IL15: variants seen among roughly 807,000 people sequenced by gnomAD.
IL15 encodes interleukin 15.
IL15 carries 11 observed loss-of-function variants against 19.6 expected under a neutral mutation model. The ratio of observed to expected loss-of-function variants is 0.56; its 90% CI spans 0.35 to 0.93. IL15 has a LOEUF of 0.93. Ranked by LOEUF, IL15 falls within the 40% of genes least tolerant of loss-of-function variation. The pLI is 0.01. For missense variants in IL15, 197 were observed against 186.5 expected (o/e 1.06, Z -0.33); for synonymous variants, 58 against 59.6 (o/e 0.97, Z 0.12).
At chr4:141,697,039 GT>G (rs1355567518) in intron 2 of IL15, among the ~76,000 whole-genome samples, 1 of 151,848 alleles carries the variant, frequency 6.6e-6, no homozygotes, top group African/African-American at 2.4e-5. Context: ...ATTTATTTTT[GT>G]TTTTGTCGCA....
intron 2 of IL15, among the ~76,000 whole-genome samples, chr4:141,705,109 C>T (rs1025763648): frequency 7.9e-5 from 12 of 151,588 alleles, no homozygotes; most frequent in Non-Finnish European, 1.6e-4. Flanking sequence ...TCTGTCCTTC[C>T]TTCTACCAAT....
intron 2 of IL15, among the ~76,000 whole-genome samples, chr4:141,674,930 G>C (rs1236069044): frequency 7.9e-6 from 1 of 126,452 alleles, no homozygotes; most frequent in Non-Finnish European, 1.8e-5. Flanking sequence ...GCTGGACTGG[G>C]TGTTCTACTT....
chr4:141,695,673 G>C lies in IL15; in HGVS notation c.-99-23693G>C, dbSNP rs774067489. On this transcript the variant is annotated intron_variant, in intron 2 of 7. Coordinates refer to ENST00000320650, the MANE Select transcript of IL15 (RefSeq NM_000585.5). ...CTCTATACTGTTTTCTCTAATGGCT[G>C]TGCTAGTTAACAATCTAACCAACAG... Among the ~76,000 whole-genome samples, 70 of 151,986 alleles carry C rather than the reference G, an allele frequency of 4.6e-4. 1 individual carries two copies. Among genetic ancestry groups the C allele is most frequent in the Non-Finnish European group, 7.4e-5 (5 of 67,956 alleles).
intron 2 of IL15, among the ~76,000 whole-genome samples, chr4:141,667,763 C>T (rs921445775): frequency 4.6e-5 from 7 of 151,902 alleles, no homozygotes; most frequent in African/African-American, 9.7e-5. Flanking sequence ...TGAGGTAATG[C>T]GGGGTGTATT....
At chr4:141,646,849 A>G (rs1032951972) in intron 1 of IL15, among the ~76,000 whole-genome samples, 3 of 152,104 alleles carry the variant, frequency 2.0e-5, no homozygotes, top group African/African-American at 4.8e-5. Context: ...AATATGAACC[A>G]CAGGAGAACA....
At chr4:141,679,434 G>C (rs556414769) in intron 2 of IL15, among the ~76,000 whole-genome samples, 1 of 152,160 alleles carries the variant, frequency 6.6e-6, no homozygotes, top group Non-Finnish European at 1.5e-5. Context: ...CATGGGGCTT[G>C]TCATACTTAA....
intron 1 of IL15, among the ~76,000 whole-genome samples, chr4:141,648,500 G>T (rs963859005): frequency 6.6e-6 from 1 of 152,016 alleles, no homozygotes; most frequent in African/African-American, 2.4e-5. Flanking sequence ...GGACAAAAAA[G>T]ATGAGAGAAA....
chr4:141,672,627 G>A (rs538627692), intron 2 of IL15, among the ~76,000 whole-genome samples: 2 of 152,186 alleles, frequency 1.3e-5, no homozygotes, highest in Non-Finnish European at 2.9e-5. Context: ...TAAAATAAGG[G>A]TATTCTAAAC....
In IL15 at chr4:141,721,982, T is replaced by G; in HGVS notation, c.169T>G (p.Leu57Val). ...CAACTGGGTGAATGTAATAAGTGATTTGAAAAAAATTGAAGATCTTATTCA... is the reference window on the plus strand; with the variant it reads ...CAACTGGGTGAATGTAATAAGTGATGTGAAAAAAATTGAAGATCTTATTCA... ...EANWVNVISDLKKIEDLIQSM... is the reference protein window; with the variant it reads ...EANWVNVISDVKKIEDLIQSM... Residue 57 changes from leucine (L) to valine (V), a missense_variant, in exon 5 of 8, where the codon TTG becomes GTG. Physicochemically the swap from Leu to Val is conservative, Grantham distance 32 (BLOSUM62 1). Coordinates refer to ENST00000320650, the MANE Select transcript of IL15 (RefSeq NM_000585.5). 1 of 1,592,578 alleles carries G rather than the reference T, an allele frequency of 6.3e-7. No homozygotes were observed. Among genetic ancestry groups the G allele is most frequent in the Non-Finnish European group, 8.6e-7 (1 of 1,163,930 alleles).
intron 1 of IL15, among the ~76,000 whole-genome samples, chr4:141,648,852 T>G (rs959542135): frequency 1.3e-5 from 2 of 152,066 alleles, no homozygotes; most frequent in Non-Finnish European, 2.9e-5. Flanking sequence ...GGCTAAGGTG[T>G]TTAAACCAAA....
chr4:141,727,260 A>C (rs955714083), intron 5 of IL15, among the ~76,000 whole-genome samples: 2 of 152,146 alleles, frequency 1.3e-5, no homozygotes, highest in Non-Finnish European at 2.9e-5. Flanking sequence ...AGATATTAAC[A>C]ATAGGGAAAC....
chr4:141,688,913 T>TA (rs1317838981), intron 2 of IL15: 1 of 155,798 alleles, frequency 6.4e-6, no homozygotes, highest in Non-Finnish European at 1.4e-5. Context: ...CGGTGAGTGT[T>TA]ACAGCTCTTA....
chr4:141,660,354 A>T (rs1727745420), intron 2 of IL15, among the ~76,000 whole-genome samples: 1 of 152,098 alleles, frequency 6.6e-6, no homozygotes, highest in South Asian at 2.1e-4. Flanking sequence ...CTCCTCTTTT[A>T]TTTTAGCTAG....
chr4:141,663,302 G>A (rs1457330578), intron 2 of IL15, among the ~76,000 whole-genome samples: 1 of 152,084 alleles, frequency 6.6e-6, no homozygotes, highest in African/African-American at 2.4e-5. Context: ...GCAGAAATTG[G>A]GTGATCCCTT....
chr4:141,714,504 C>A (rs1430165171), intron 2 of IL15, among the ~76,000 whole-genome samples: 2 of 152,154 alleles, frequency 1.3e-5, no homozygotes, highest in Admixed American at 1.3e-4. Flanking sequence ...TCTTAAAAAC[C>A]TTTTCTTGCT....
At chr4:141,701,038 T>C (rs1317410652) in intron 2 of IL15, among the ~76,000 whole-genome samples, 1 of 152,202 alleles carries the variant, frequency 6.6e-6, no homozygotes, top group Non-Finnish European at 1.5e-5. Context: ...TTTTTGAAAT[T>C]TCTTTAAGTT....
At chr4:141,651,746 C>T (rs6537058) in intron 1 of IL15, among the ~76,000 whole-genome samples, 117,876 of 152,006 alleles carry the variant, frequency 0.78, 45,992 homozygotes, top group East Asian at 0.99. Flanking sequence ...GTTCTCACTC[C>T]GTATTTATCA....
chr4:141,656,993 A>C (rs182855190), intron 2 of IL15, among the ~76,000 whole-genome samples: 4 of 152,296 alleles, frequency 2.6e-5, no homozygotes, highest in African/African-American at 4.8e-5. Flanking sequence ...TGTTCTAAGA[A>C]ATGCATTGTT....
In IL15 at chr4:141,721,984, G is replaced by T; in HGVS notation, c.171G>T (p.Leu57Phe). 1 of 1,590,182 alleles carries T rather than the reference G, an allele frequency of 6.3e-7. No homozygotes were observed. The highest frequency in any genetic ancestry group is 1.1e-5 in the South Asian group (1 of 88,446). Residue 57 changes from leucine (L) to phenylalanine (F), a missense_variant, in exon 5 of 8, where the codon TTG (leucine) becomes TTT (phenylalanine). By Grantham distance (22) the Leu-to-Phe change is conservative. Transcript: ENST00000320650. ...EANWVNVISDLKKIEDLIQSM... is the reference protein window; with the variant it reads ...EANWVNVISDFKKIEDLIQSM... Reference sequence around the variant, plus strand: ...ACTGGGTGAATGTAATAAGTGATTTGAAAAAAATTGAAGATCTTATTCAAG... The same window carrying T: ...ACTGGGTGAATGTAATAAGTGATTTTAAAAAAATTGAAGATCTTATTCAAG...
Sources: allele counts gnomAD v4.1 joint callset (sites outside exome capture counted in the v4.1 genomes callset), GRCh38; gene constraint gnomAD v4.1.1; transcripts MANE v1.5; gene names NCBI Gene and HGNC (gene_info 2026-07-23, HGNC 2026-07-21).